The following NRXN1 variants were observed in gnomAD, a reference collection of about 807,000 sequenced individuals.
NRXN1 encodes neurexin-1.
Under a neutral mutation model 150.9 loss-of-function variants are expected in NRXN1, and 39 were observed. The observed-to-expected ratio is 0.26, with a 90% CI of 0.20 to 0.34. NRXN1 has a LOEUF of 0.34. NRXN1 is among the 10% of genes least tolerant of loss of function. The probability of loss-of-function intolerance (pLI) is 1.00; values close to 1 mark genes in which losing one functional copy is unlikely to be tolerated. For missense variants in NRXN1, 1,815 were observed against 1,949.9 expected (o/e 0.93, Z 1.30); for synonymous variants, 924 against 757.0 (o/e 1.22, Z -3.62).
At chr2:50,050,132 AATTG>A (rs1349015553) in intron 21 of NRXN1, among the ~76,000 whole-genome samples, 1 of 150,052 alleles carries the variant, frequency 6.7e-6, no homozygotes, top group Non-Finnish European at 1.5e-5. Context: ...TTGGGCTGAA[AATTG>A]ATTATCATTC....
intron 5 of NRXN1, among the ~76,000 whole-genome samples, chr2:50,728,439 A>G (rs531650774): frequency 6.6e-6 from 1 of 152,328 alleles, no homozygotes; most frequent in Admixed American, 6.5e-5. Flanking sequence ...CTACAGATGC[A>G]GAAAACCATC....
chr2:50,273,116 A>G (rs1425040743), intron 17 of NRXN1, among the ~76,000 whole-genome samples: 1 of 152,182 alleles, frequency 6.6e-6, no homozygotes, highest in East Asian at 1.9e-4. Flanking sequence ...TTGAGGTACC[A>G]TTGGCAAATA....
intron 5 of NRXN1, 120 bp from the exon 6 acceptor site, chr2:50,623,735 C>T (rs1680473976): frequency 1.4e-6 from 1 of 691,832 alleles, no homozygotes; most frequent in Non-Finnish European, 2.4e-6. Flanking sequence ...GATTTCATGA[C>T]ATGAACTCTG....
rs185109501 is a variant in NRXN1 at position 50,011,725 on chromosome 2, A to T, written c.4128+41546T>A. ...TGGAAGGTGTATGAAGCCAAAATAA[A>T]GACAATTCCAAGATTCCTCTTCTTT... On this transcript the variant is annotated intron_variant, in intron 21 of 22. Coordinates refer to ENST00000401669, the MANE Select transcript of NRXN1 (RefSeq NM_001330078.2). Among the ~76,000 whole-genome samples, 3 of 152,246 alleles carry T rather than the reference A, an allele frequency of 2.0e-5. No individual in the cohort carries two copies. In the East Asian group the frequency reaches 5.8e-4, roughly 29 times the overall value.
chr2:50,610,880 C>T (rs1413789923), intron 8 of NRXN1, among the ~76,000 whole-genome samples: 2 of 148,390 alleles, frequency 1.3e-5, no homozygotes, highest in African/African-American at 5.0e-5. Flanking sequence ...GCAACCTCTG[C>T]CTCCTAGGTT....
chr2:50,829,292 G>A (rs919891385), intron 5 of NRXN1: 63 of 609,300 alleles, frequency 1.0e-4, no homozygotes, highest in Non-Finnish European at 1.5e-4. Flanking sequence ...AGAGGGAGAG[G>A]GGTAATTTTG....
At chr2:50,025,921 A>C (rs922853784) in intron 21 of NRXN1, among the ~76,000 whole-genome samples, 3 of 152,208 alleles carry the variant, frequency 2.0e-5, no homozygotes, top group Non-Finnish European at 4.4e-5. Flanking sequence ...ACTTTAGCCT[A>C]TGTGGCCCAA....
intron 17 of NRXN1, among the ~76,000 whole-genome samples, chr2:50,449,903 TG>T (rs574506540): frequency 1.6e-3 from 241 of 152,256 alleles, no homozygotes; most frequent in African/African-American, 5.8e-3. Context: ...GATCTGTAAT[TG>T]TGTTTCCATT....
intron 18 of NRXN1, among the ~76,000 whole-genome samples, chr2:50,228,972 AC>A (rs1457301502): frequency 6.6e-6 from 1 of 152,042 alleles, no homozygotes; most frequent in Non-Finnish European, 1.5e-5. Flanking sequence ...GGTCTAGCAC[AC>A]CATCTCCTAA....
intron 5 of NRXN1, among the ~76,000 whole-genome samples, chr2:50,827,310 T>C (rs1254034608): frequency 6.6e-6 from 1 of 152,194 alleles, no homozygotes; most frequent in Non-Finnish European, 1.5e-5. Context: ...CAATATAGAA[T>C]TTGGTTATAA....
At chr2:50,271,642 G>T (rs891787182) in intron 17 of NRXN1, among the ~76,000 whole-genome samples, 1 of 152,016 alleles carries the variant, frequency 6.6e-6, no homozygotes. Context: ...GTAACTCAAA[G>T]TACATTTATG....
At chr2:50,375,633 T>C (rs779843486) in intron 17 of NRXN1, among the ~76,000 whole-genome samples, 1 of 151,118 alleles carries the variant, frequency 6.6e-6, no homozygotes, top group Non-Finnish European at 1.5e-5. Flanking sequence ...AGCTTGCTTA[T>C]AGAAAATGTA....
intron 5 of NRXN1, among the ~76,000 whole-genome samples, chr2:50,742,958 G>C (rs930632054): frequency 1.3e-5 from 2 of 152,284 alleles, no homozygotes; most frequent in East Asian, 1.9e-4. Context: ...GACTGAACAA[G>C]TGAAGAGACA....
chr2:50,559,762 T>C lies in NRXN1; in HGVS notation c.1321-6737A>G, dbSNP rs535284971. ...GATATATAGATAAGTAGATAATACA[T>C]ACCTATGTATGTCAGAGACATAACA... is the stretch of plus-strand genomic sequence containing the variant. On this transcript the variant is annotated intron_variant, in intron 8 of 22. Transcript: ENST00000401669. Among the ~76,000 whole-genome samples, 20 of 152,242 alleles carry C rather than the reference T, an allele frequency of 1.3e-4. No individual in the cohort carries two copies. In the South Asian group the frequency reaches 2.7e-3, roughly 20 times the overall value.
intron 5 of NRXN1, among the ~76,000 whole-genome samples, chr2:50,683,933 T>C (rs1690848861): frequency 1.3e-5 from 2 of 151,794 alleles, no homozygotes; most frequent in South Asian, 2.1e-4. Flanking sequence ...GCATTAGTTA[T>C]ATGGAATGCT....
intron 18 of NRXN1, among the ~76,000 whole-genome samples, chr2:50,128,680 T>A (rs1704978656): frequency 6.6e-6 from 1 of 151,916 alleles, no homozygotes; most frequent in Non-Finnish European, 1.5e-5. Flanking sequence ...AAGCAGGATG[T>A]TAAAAACTAA....
intron 15 of NRXN1, among the ~76,000 whole-genome samples, chr2:50,495,336 G>A (rs1157160571): frequency 7.6e-6 from 1 of 131,286 alleles, no homozygotes; most frequent in Non-Finnish European, 1.6e-5. Context: ...GCTGGTGAAA[G>A]AAGCATTCCG....
intron 2 of NRXN1, among the ~76,000 whole-genome samples, chr2:51,007,115 A>G (rs1243872339): frequency 6.6e-6 from 1 of 152,000 alleles, no homozygotes; most frequent in African/African-American, 2.4e-5. Flanking sequence ...ACAACATTAG[A>G]TACTATAATG....
chr2:50,867,752 C>A (rs1253249605), intron 5 of NRXN1, among the ~76,000 whole-genome samples: 1 of 151,734 alleles, frequency 6.6e-6, no homozygotes, highest in African/African-American at 2.4e-5. Context: ...TCTAACTAAC[C>A]ATTCCAACAG....
Sources: gnomAD v4.1 joint callset for allele counts (sites outside exome capture counted in the v4.1 genomes callset) on GRCh38, gnomAD v4.1.1 for gene constraint, MANE v1.5 for transcripts, NCBI Gene and HGNC (gene_info 2026-07-23, HGNC 2026-07-21) for gene names.